The following RALYL variants were observed in gnomAD, a reference collection of about 807,000 sequenced individuals.
RALYL encodes the protein RNA-binding Raly-like protein.
A neutral mutation model predicts 35.1 loss-of-function variants in RALYL; 29 were observed. The observed-to-expected ratio is 0.83, with a 90% CI of 0.61 to 1.13. The LOEUF (loss-of-function observed/expected upper bound fraction) is 1.13, where lower values mean the gene tolerates loss of function less well. Among genes scored for constraint, RALYL ranks in the 50% most tolerant of loss-of-function variants. The pLI is 0.00. For synonymous variants in RALYL, 120 were observed against 127.6 expected (o/e 0.94, Z 0.40); for missense variants, 359 against 360.4 (o/e 1.00, Z 0.03).
chr8:84,781,280 T>G (rs756199109), intron 3 of RALYL, among the ~76,000 whole-genome samples: 1 of 152,228 alleles, frequency 6.6e-6, no homozygotes, highest in Non-Finnish European at 1.5e-5. Flanking sequence ...TAAAAGATTA[T>G]TTTACTTATA....
intron 4 of RALYL, among the ~76,000 whole-genome samples, chr8:84,849,561 G>GTTT (rs780565835): frequency 7.1e-6 from 1 of 141,798 alleles, no homozygotes; most frequent in Non-Finnish European, 1.5e-5. Context: ...TTTTGTTTTT[G>GTTT]TTTTTTTTTT....
intron 1 of RALYL, among the ~76,000 whole-genome samples, chr8:84,407,083 C>T (rs919169344): frequency 2.6e-5 from 4 of 151,346 alleles, no homozygotes; most frequent in East Asian, 1.9e-4. Context: ...CACACACACA[C>T]ACAAGAATAT....
intron 1 of RALYL, among the ~76,000 whole-genome samples, chr8:84,433,764 C>A (rs1430157190): frequency 6.6e-6 from 1 of 151,504 alleles, no homozygotes; most frequent in African/African-American, 2.4e-5. Flanking sequence ...TGGGGTATGT[C>A]TTTATCAGCA....
chr8:84,529,726 C>T (rs1564093678), intron 2 of RALYL, 149 bp downstream of exon 2: 2 of 646,682 alleles, frequency 3.1e-6, no homozygotes, highest in African/African-American at 3.7e-5. Flanking sequence ...TTTTCATCCT[C>T]ATATTGTTTT....
intron 1 of RALYL, among the ~76,000 whole-genome samples, chr8:84,346,905 A>C (rs1849933317): frequency 6.6e-6 from 1 of 152,128 alleles, no homozygotes. Flanking sequence ...ATTTTTAAGA[A>C]ATAAGGACAT....
At chr8:84,729,203 T>G (rs1301232978) in intron 2 of RALYL, among the ~76,000 whole-genome samples, 2 of 152,126 alleles carry the variant, frequency 1.3e-5, no homozygotes, top group African/African-American at 4.8e-5. Context: ...CCCTTGTAAG[T>G]TGGAACCTAG....
chr8:84,497,642 G>GTTTTTTTTTT (rs71271999), intron 1 of RALYL, among the ~76,000 whole-genome samples: 2 of 117,242 alleles, frequency 1.7e-5, no homozygotes, highest in Non-Finnish European at 3.5e-5. Flanking sequence ...TTTTGTTTTT[G>GTTTTTTTTTT]TTTTTTTTTT....
At chr8:84,191,044 G>T (rs1563504678) in intron 1 of RALYL, among the ~76,000 whole-genome samples, 1 of 151,780 alleles carries the variant, frequency 6.6e-6, no homozygotes. Flanking sequence ...TGAGATAAAA[G>T]CTTTGTAATC....
At chr8:84,286,609 G>A (rs1257330541) in intron 1 of RALYL, among the ~76,000 whole-genome samples, 3 of 152,252 alleles carry the variant, frequency 2.0e-5, no homozygotes, top group East Asian at 3.9e-4. Context: ...TTAAAGGCAG[G>A]AAGGCAGAGG....
chr8:84,859,207 C>A (rs1404688061), intron 5 of RALYL, among the ~76,000 whole-genome samples: 1 of 151,952 alleles, frequency 6.6e-6, no homozygotes, highest in African/African-American at 2.4e-5. Flanking sequence ...AAGTAGTGGC[C>A]CACAATCAGT....
chr8:84,596,420 A>T (rs1426125089), intron 2 of RALYL, among the ~76,000 whole-genome samples: 1 of 152,162 alleles, frequency 6.6e-6, no homozygotes. Flanking sequence ...TTAAATTCTC[A>T]GGAAATACTG....
intron 1 of RALYL, among the ~76,000 whole-genome samples, chr8:84,324,660 C>T (rs932065367): frequency 9.9e-5 from 15 of 151,108 alleles, no homozygotes; most frequent in African/African-American, 3.7e-4. Context: ...CGGAGTGATG[C>T]TTTTGTTTTA....
At chr8:84,187,552 A>G (rs1319175828) in intron 1 of RALYL, among the ~76,000 whole-genome samples, 2 of 152,080 alleles carry the variant, frequency 1.3e-5, no homozygotes, top group Non-Finnish European at 2.9e-5. Flanking sequence ...ATCCTTAGCC[A>G]TAATAGATGT....
At chr8:84,450,456 C>A (rs577538535) in intron 1 of RALYL, among the ~76,000 whole-genome samples, 2 of 151,870 alleles carry the variant, frequency 1.3e-5, no homozygotes, top group Admixed American at 1.3e-4. Context: ...GAAATAGTAG[C>A]AGTACTCATT....
intron 5 of RALYL, among the ~76,000 whole-genome samples, chr8:84,858,401 G>A (rs897606034): frequency 1.3e-5 from 2 of 152,066 alleles, no homozygotes; most frequent in African/African-American, 4.8e-5. Flanking sequence ...TGATGAGTAA[G>A]TATTTGGGAG....
At chr8:84,746,746 G>C (rs1808697444) in intron 2 of RALYL, among the ~76,000 whole-genome samples, 1 of 151,838 alleles carries the variant, frequency 6.6e-6, no homozygotes, top group South Asian at 2.1e-4. Context: ...AAATTTGTTG[G>C]AGTAGACTTA....
chr8:84,639,438 A>T (rs932186890), intron 2 of RALYL, among the ~76,000 whole-genome samples: 5 of 151,754 alleles, frequency 3.3e-5, no homozygotes, highest in African/African-American at 1.2e-4. Flanking sequence ...GTTAATGCTG[A>T]TCAGTTGTGT....
At chr8:84,855,063 T>C (rs900118825) in intron 5 of RALYL, among the ~76,000 whole-genome samples, 1 of 152,156 alleles carries the variant, frequency 6.6e-6, no homozygotes, top group Non-Finnish European at 1.5e-5. Flanking sequence ...AGAAACTAGA[T>C]TGGGGTAATG....
At chr8:84,393,001 CA>C (rs1192974802) in intron 1 of RALYL, among the ~76,000 whole-genome samples, 13 of 152,104 alleles carry the variant, frequency 8.5e-5, no homozygotes, top group African/African-American at 2.6e-4. Context: ...TACAGAAAGC[CA>C]AATAAAACAG....
Sources: gnomAD v4.1 joint callset for allele counts (sites outside exome capture counted in the v4.1 genomes callset) on GRCh38, gnomAD v4.1.1 for gene constraint, MANE v1.5 for transcripts, NCBI Gene and HGNC (gene_info 2026-07-23, HGNC 2026-07-21) for gene names.